Variants in ELAVL2 observed in about 807,000 individuals in gnomAD.
ELAVL2 encodes ELAV like RNA binding protein 2.
A neutral mutation model predicts 34.6 loss-of-function variants in ELAVL2; 4 were observed. The observed-to-expected ratio is 0.12, with a 90% CI of 0.06 to 0.26. ELAVL2 has a LOEUF of 0.26. Ranked by LOEUF, ELAVL2 falls within the 10% of genes least tolerant of loss-of-function variation. The pLI is 1.00. For missense variants in ELAVL2, 432 were observed against 442.8 expected (o/e 0.98, Z 0.22); for synonymous variants, 193 against 154.8 (o/e 1.25, Z -1.83).
intron 2 of ELAVL2, among the ~76,000 whole-genome samples, chr9:23,741,781 T>C (rs1057286717): frequency 1.3e-4 from 9 of 68,602 alleles, no homozygotes; most frequent in Non-Finnish European, 2.4e-4. Context: ...CATACCTTTC[T>C]CCCTTTGAAA....
At chr9:23,788,458 C>T (rs1205709153) in intron 1 of ELAVL2, among the ~76,000 whole-genome samples, 3 of 152,134 alleles carry the variant, frequency 2.0e-5, no homozygotes, top group Non-Finnish European at 4.4e-5. Context: ...GAACTGACCC[C>T]TACCATGTTT....
At chr9:23,717,543 C>T (rs1238028836) in intron 3 of ELAVL2, among the ~76,000 whole-genome samples, 2 of 152,174 alleles carry the variant, frequency 1.3e-5, no homozygotes, top group Non-Finnish European at 2.9e-5. Flanking sequence ...GTACACATCA[C>T]GTGAAGGCCT....
chr9:23,694,347 A>G (rs534426496), intron 5 of ELAVL2, among the ~76,000 whole-genome samples: 5 of 152,306 alleles, frequency 3.3e-5, no homozygotes, highest in East Asian at 3.9e-4. Context: ...CCTATATCAA[A>G]TATTAGTTTT....
intron 1 of ELAVL2, among the ~76,000 whole-genome samples, chr9:23,778,803 A>C (rs2058626656): frequency 6.6e-6 from 1 of 152,202 alleles, no homozygotes; most frequent in South Asian, 2.1e-4. Flanking sequence ...GCAAAAAAGC[A>C]TCAAGTCTGT....
Position 23,690,444 on chromosome 9 carries a change from G to C in ELAVL2, c.*2113C>G, listed in dbSNP as rs1467434331. 1.3e-5 allele frequency: 2 copies of C among 152,182 alleles called. No individual in the cohort carries two copies. The highest frequency in any genetic ancestry group is 2.9e-5 in the Non-Finnish European group (2 of 67,916). The allele number at this position is 152,182 out of a possible 1,614,324, so 9.4% of individuals were successfully genotyped here. On this transcript the variant is annotated 3_prime_UTR_variant, in exon 7 of 7. Coordinates refer to ENST00000397312, the MANE Select transcript of ELAVL2 (RefSeq NM_004432.5). ...GTATATACATGTATTTTATTTTTTA[G>C]TGTTTTTCTTTTTTTAAACGCAGAA...
At chr9:23,818,783 C>T (rs1204657280) in intron 1 of ELAVL2, among the ~76,000 whole-genome samples, 3 of 152,256 alleles carry the variant, frequency 2.0e-5, no homozygotes, top group Admixed American at 6.5e-5. Context: ...TGCTACCATG[C>T]AGACAAGTCA....
intron 1 of ELAVL2, among the ~76,000 whole-genome samples, chr9:23,817,295 C>G (rs2063850179): frequency 6.6e-6 from 1 of 151,884 alleles, no homozygotes; most frequent in Non-Finnish European, 1.5e-5. Context: ...TAGTTTTATC[C>G]CCATTCCACC....
chr9:23,759,193 T>C (rs977441236), intron 2 of ELAVL2, among the ~76,000 whole-genome samples: 4 of 151,848 alleles, frequency 2.6e-5, no homozygotes, highest in East Asian at 1.9e-4. Context: ...AATAAATGGA[T>C]AAAGAAAATA....
chr9:23,808,224 G>C (rs1426373417), intron 1 of ELAVL2, among the ~76,000 whole-genome samples: 2 of 149,388 alleles, frequency 1.3e-5, no homozygotes, highest in Non-Finnish European at 3.0e-5. Flanking sequence ...CCCACACTGT[G>C]TTATAAGCCT....
chr9:23,705,132 A>G, intron 3 of ELAVL2, 61 bp from the exon 4 acceptor site: 1 of 1,588,754 alleles, frequency 6.3e-7, no homozygotes, highest in Non-Finnish European at 8.6e-7. Context: ...TCCCTTTAGA[A>G]ACTCAAAAAC....
At chr9:23,840,478 A>G in the ELAVL2 span, among the ~76,000 whole-genome samples, 1 of 152,224 alleles carries the variant, frequency 6.6e-6, no homozygotes, top group African/African-American at 2.4e-5. Context: ...TCAGTGGTGC[A>G]GTTAACATGG....
At chr9:23,830,967 A>G (rs531741600), upstream of ELAVL2, among the ~76,000 whole-genome samples, 16 of 152,322 alleles carry the variant, frequency 1.1e-4, no homozygotes, top group Middle Eastern at 6.8e-3. Context: ...CGTTTCTTTC[A>G]GGGATACTAA....
At chr9:23,835,675 T>G in the ELAVL2 span, among the ~76,000 whole-genome samples, 2 of 152,166 alleles carry the variant, frequency 1.3e-5, no homozygotes, top group African/African-American at 4.8e-5. Context: ...AACTTGCTTA[T>G]GGTTTATAGT....
intron 1 of ELAVL2, among the ~76,000 whole-genome samples, chr9:23,769,082 G>A (rs1396255559): frequency 1.3e-5 from 2 of 152,050 alleles, no homozygotes; most frequent in East Asian, 3.9e-4. Flanking sequence ...AGCACACCAG[G>A]ACAGAATCAG....
At chr9:23,810,127 C>T (rs2062784756) in intron 1 of ELAVL2, among the ~76,000 whole-genome samples, 1 of 152,008 alleles carries the variant, frequency 6.6e-6, no homozygotes, top group Non-Finnish European at 1.5e-5. Flanking sequence ...TCACCTTTTT[C>T]TTGATTTTAA....
intron 3 of ELAVL2, among the ~76,000 whole-genome samples, chr9:23,719,048 A>AT (rs1369647812): frequency 1.3e-5 from 2 of 152,212 alleles, no homozygotes; most frequent in East Asian, 3.8e-4. Flanking sequence ...TAAAGAGACC[A>AT]TATCATTGCC....
chr9:23,755,036 G>C (rs1252547954), intron 2 of ELAVL2, among the ~76,000 whole-genome samples: 2 of 152,074 alleles, frequency 1.3e-5, no homozygotes, highest in African/African-American at 4.8e-5. Flanking sequence ...GCTTCCCCAT[G>C]ATTTCCTATT....
At chr9:23,733,826 T>C (rs1281543122) in intron 2 of ELAVL2, among the ~76,000 whole-genome samples, 1 of 152,142 alleles carries the variant, frequency 6.6e-6, no homozygotes, top group East Asian at 1.9e-4. Context: ...AAAGGTATTA[T>C]CATCATCACC....
chr9:23,767,509 G>A (rs891881692), intron 1 of ELAVL2, among the ~76,000 whole-genome samples: 8 of 152,104 alleles, frequency 5.3e-5, no homozygotes, highest in African/African-American at 1.7e-4. Flanking sequence ...GGCCAGACTC[G>A]GCGGCTCACG....
Sources: allele counts gnomAD v4.1 joint callset (sites outside exome capture counted in the v4.1 genomes callset), GRCh38; gene constraint gnomAD v4.1.1; transcripts MANE v1.5; gene names NCBI Gene and HGNC (gene_info 2026-07-23, HGNC 2026-07-21).